The following PAK3 variants were observed in gnomAD, a reference collection of about 807,000 sequenced individuals.
PAK3 encodes serine/threonine-protein kinase PAK 3.
A neutral mutation model predicts 41.0 loss-of-function variants in PAK3; 4 were observed. The observed-to-expected ratio is 0.10, with a 90% CI of 0.05 to 0.22. PAK3 has a LOEUF of 0.22. Ranked by LOEUF, PAK3 falls within the 10% of genes least tolerant of loss-of-function variation. The pLI, the probability that PAK3 is intolerant of heterozygous loss-of-function variation, is 1.00. For missense variants in PAK3, 205 were observed against 409.9 expected (o/e 0.50, Z 4.32); for synonymous variants, 146 against 139.6 (o/e 1.05, Z -0.32).
At chrX:110,995,851 T>G (rs969162833) in intron 1 of PAK3, among the ~76,000 whole-genome samples, 1 of 111,602 alleles carries the variant, frequency 9.0e-6, no homozygotes, top group Non-Finnish European at 1.9e-5. Context: ...GTGCTTTTAA[T>G]CTTGTTTTGA....
chrX:110,976,942 A>T (rs1378134208), intron 1 of PAK3, among the ~76,000 whole-genome samples: 1 of 104,703 alleles, frequency 9.6e-6, no homozygotes, highest in African/African-American at 3.5e-5. Flanking sequence ...GGAATATCAC[A>T]CACTGGGGCA....
rs777129532 is a variant in PAK3, at chrX:111,168,715, A to T, written c.767-4303A>T. On this transcript the variant is annotated intron_variant, in intron 10 of 17. Coordinates refer to ENST00000372007, the MANE Select transcript of PAK3 (RefSeq NM_002578.5). ...ATTACCATAAAGCCACATTAACTGA[A>T]CCCCACCATTTGGAATGGGTCATAA... is the stretch of plus-strand genomic sequence containing the variant. Among the ~76,000 whole-genome samples, 3 of 111,853 alleles carry T rather than the reference A, an allele frequency of 2.7e-5. No individual in the cohort carries two copies. The South Asian group carries it at 1.1e-3, about 42-fold the overall frequency.
intron 11 of PAK3, among the ~76,000 whole-genome samples, chrX:111,190,421 C>T (rs930306101): frequency 9.0e-6 from 1 of 111,484 alleles, no homozygotes; most frequent in African/African-American, 3.3e-5. Flanking sequence ...GTAAGGATTA[C>T]ATAAGATAAA....
chrX:110,992,110 G>T (rs1285564134), intron 1 of PAK3, among the ~76,000 whole-genome samples: 2 of 111,067 alleles, frequency 1.8e-5, no homozygotes, highest in Non-Finnish European at 1.9e-5. Flanking sequence ...GGGTGGTCAG[G>T]GTAGGCCTCA....
At chrX:111,200,749 C>T (rs2094673587) in intron 16 of PAK3, among the ~76,000 whole-genome samples, 1 of 112,164 alleles carries the variant, frequency 8.9e-6, no homozygotes, top group African/African-American at 3.2e-5. Context: ...GGCTATTTTG[C>T]TTTCTGCCTT....
intron 6 of PAK3, chrX:111,146,676 A>C: frequency 7.0e-6 from 3 of 429,586 alleles, no homozygotes; most frequent in Non-Finnish European, 1.2e-5. Context: ...GGCTTATCTC[A>C]CTTTTTTTGT....
chrX:111,074,851 T>C (rs184795038), intron 1 of PAK3, among the ~76,000 whole-genome samples: 1 of 111,918 alleles, frequency 8.9e-6, no homozygotes, highest in East Asian at 2.8e-4. Flanking sequence ...GAGGAATTTA[T>C]TGGGAGCTGG....
In PAK3 at chrX:111,062,659, C is replaced by T. The variant is rs79855372; in HGVS notation, c.-27-60418C>T. Among the ~76,000 whole-genome samples the T allele has an allele frequency of 8.5e-4, 95 of 111,199 alleles. 1 individual carries two copies. In the East Asian group the frequency reaches 0.019, roughly 22 times the overall value. On this transcript the variant is annotated intron_variant, in intron 1 of 14. Coordinates refer to the PAK3 transcript ENST00000425146. The stretch of plus-strand genomic sequence containing the variant: ...AAGAAGAGAGGAAGAAAGGGCTGGC[C>T]TGGAGGGCGTCCAGGCTCAGCAGAT...
chrX:111,066,838 C>T (rs1354658949), intron 1 of PAK3, among the ~76,000 whole-genome samples: 2 of 112,294 alleles, frequency 1.8e-5, no homozygotes, highest in Non-Finnish European at 3.8e-5. Context: ...ATTAACTTGT[C>T]TATACAACAT....
chrX:111,037,665 T>C (rs1243476513), intron 1 of PAK3, among the ~76,000 whole-genome samples: 1 of 111,649 alleles, frequency 9.0e-6, no homozygotes, highest in Non-Finnish European at 1.9e-5. Context: ...GAAAAGTTTG[T>C]TGTAAAATTA....
intron 1 of PAK3, among the ~76,000 whole-genome samples, chrX:111,050,189 CTG>C (rs1313913158): frequency 9.0e-6 from 1 of 111,349 alleles, no homozygotes; most frequent in Non-Finnish European, 1.9e-5. Flanking sequence ...TTGAATAACT[CTG>C]TGGATGTTTT....
chrX:111,036,871 T>C (rs2092404313), intron 1 of PAK3, among the ~76,000 whole-genome samples: 1 of 112,146 alleles, frequency 8.9e-6, no homozygotes, highest in Non-Finnish European at 1.9e-5. Context: ...TACATACTCA[T>C]TAGCAATTTA....
intron 5 of PAK3, among the ~76,000 whole-genome samples, chrX:111,131,182 G>A (rs918168894): frequency 8.1e-5 from 9 of 111,486 alleles, no homozygotes; most frequent in African/African-American, 2.9e-4. Flanking sequence ...TTTTCCTCCT[G>A]AGGGCCTAAT....
intron 1 of PAK3, among the ~76,000 whole-genome samples, chrX:110,954,852 C>T (rs1290572976): frequency 1.2e-4 from 13 of 110,897 alleles, no homozygotes; most frequent in African/African-American, 4.3e-4. Context: ...TTTTGTTTTC[C>T]TCCTCCTACT....
At position 111,081,284 on chromosome X, in the gene PAK3, C is replaced by T. The variant is rs373496533; in HGVS notation, c.-27-41793C>T. Among the ~76,000 whole-genome samples, 6 of 111,349 alleles carry T rather than the reference C, an allele frequency of 5.4e-5. No individual in the cohort carries two copies. In the East Asian group the frequency reaches 1.4e-3, roughly 26 times the overall value. On this transcript the variant is annotated intron_variant, in intron 1 of 14. Coordinates refer to the PAK3 transcript ENST00000425146. ...AAGTGAGGTGGATCGCTTCAGCATTCAAACTCTTGAGCTCAAGAGTTAGAG... is the reference window on the plus strand; with the variant it reads ...AAGTGAGGTGGATCGCTTCAGCATTTAAACTCTTGAGCTCAAGAGTTAGAG...
At chrX:111,120,216 C>T (rs1326947506) in intron 4 of PAK3, among the ~76,000 whole-genome samples, 3 of 112,026 alleles carry the variant, frequency 2.7e-5, no homozygotes, top group Non-Finnish European at 5.6e-5. Flanking sequence ...TAAGCTGAGT[C>T]CTTTGCAGAA....
intron 8 of PAK3, among the ~76,000 whole-genome samples, chrX:111,154,587 G>A (rs1398503600): frequency 9.0e-6 from 1 of 111,522 alleles, no homozygotes; most frequent in Non-Finnish European, 1.9e-5. Context: ...GACAACAAGA[G>A]GAAAAACTCA....
chrX:111,095,778 G>GT (rs1167408204), upstream of PAK3, among the ~76,000 whole-genome samples: 1 of 111,012 alleles, frequency 9.0e-6, no homozygotes, highest in Non-Finnish European at 1.9e-5. Context: ...AATCGAAACC[G>GT]TTTTTTCCCC....
chrX:111,178,162 G>A (rs1336381667), intron 11 of PAK3, among the ~76,000 whole-genome samples: 4 of 110,609 alleles, frequency 3.6e-5, no homozygotes, highest in Non-Finnish European at 7.6e-5. Context: ...CCCCAATAAT[G>A]TACCTTTCCT....
Sources: allele counts gnomAD v4.1 joint callset (sites outside exome capture counted in the v4.1 genomes callset), GRCh38; gene constraint gnomAD v4.1.1; transcripts MANE v1.5; gene names NCBI Gene and HGNC (gene_info 2026-07-23, HGNC 2026-07-21).